NLK: variants seen among roughly 807,000 people sequenced by gnomAD.
The protein encoded by NLK is serine/threonine-protein kinase NLK.
A neutral mutation model predicts 59.0 loss-of-function variants in NLK; 11 were observed. The ratio of observed to expected loss-of-function variants is 0.19; its 90% confidence interval spans 0.12 to 0.31. The LOEUF is 0.31. NLK is among the 10% of genes least tolerant of loss of function. The pLI is 1.00. For missense variants in NLK, 410 were observed against 661.1 expected (o/e 0.62, Z 4.16); for synonymous variants, 235 against 235.9 (o/e 1.00, Z 0.03).
At chr17:28,160,147 A>T (rs1488911350) in intron 3 of NLK, among the ~76,000 whole-genome samples, 1 of 152,218 alleles carries the variant, frequency 6.6e-6, no homozygotes, top group Non-Finnish European at 1.5e-5. Flanking sequence ...AGTATCCACG[A>T]GTGTGGATAG....
intron 1 of NLK, chr17:28,061,949 T>A (rs1234207231): frequency 2.1e-5 from 3 of 146,154 alleles, no homozygotes; most frequent in East Asian, 2.0e-4. Flanking sequence ...TTTTTTTTTT[T>A]AAGAAAACAG....
Position 28,168,801 on chromosome 17 carries a change from A to G in NLK, c.1047+144A>G, listed in dbSNP as rs1597720370. The G allele has an allele frequency of 1.6e-5, 10 of 634,234 alleles. No individual in the cohort carries two copies. In the East Asian group the frequency reaches 2.5e-4, roughly 16 times the overall value. The allele number at this position is 634,234 out of a possible 1,614,324, so 39.3% of individuals were successfully genotyped here. A position where few individuals can be genotyped will look rare whatever the true frequency, so the allele number is the denominator to read the frequency against. ...AGGTTCACTTAAAATTCAGAAAGTTATAAAGTTGAAGATTACAAAGAGATT... is the reference window on the plus strand; with the variant it reads ...AGGTTCACTTAAAATTCAGAAAGTTGTAAAGTTGAAGATTACAAAGAGATT... On this transcript the variant is annotated intron_variant, in intron 6 of 10. Transcript: ENST00000407008.
At chr17:28,184,575 A>C (rs1424767032) in intron 7 of NLK, among the ~76,000 whole-genome samples, 1 of 152,206 alleles carries the variant, frequency 6.6e-6, no homozygotes, top group Non-Finnish European at 1.5e-5. Flanking sequence ...GGCTAGCAGG[A>C]GTGCCATATT....
At chr17:28,056,639 C>T (rs1208239848) in intron 1 of NLK, among the ~76,000 whole-genome samples, 3 of 152,184 alleles carry the variant, frequency 2.0e-5, no homozygotes, top group Admixed American at 2.0e-4. Context: ...ATGTCACAGA[C>T]TACAAGATTT....
At chr17:28,080,358 T>A (rs938486998) in intron 1 of NLK, among the ~76,000 whole-genome samples, 4 of 152,078 alleles carry the variant, frequency 2.6e-5, no homozygotes, top group African/African-American at 9.7e-5. Flanking sequence ...AACAGGAAGA[T>A]TGCTTGAGCC....
chr17:28,112,646 G>A (rs1905576373), intron 1 of NLK, among the ~76,000 whole-genome samples: 2 of 152,096 alleles, frequency 1.3e-5, no homozygotes, highest in South Asian at 2.1e-4. Flanking sequence ...CCTGCCTCCT[G>A]TTTTGTTTTG....
At chr17:28,093,515 C>G (rs1196633298) in intron 1 of NLK, among the ~76,000 whole-genome samples, 1 of 151,992 alleles carries the variant, frequency 6.6e-6, no homozygotes, top group Non-Finnish European at 1.5e-5. Flanking sequence ...CAAAGGGTTC[C>G]TTGGAAGGTA....
chr17:28,077,747 C>T (rs1266692033), intron 1 of NLK, among the ~76,000 whole-genome samples: 2 of 152,100 alleles, frequency 1.3e-5, no homozygotes, highest in African/African-American at 2.4e-5. Context: ...TGTTTGGAAA[C>T]TTTAGCTTCT....
chr17:28,143,523 G>A (rs1331637833), intron 3 of NLK, among the ~76,000 whole-genome samples: 1 of 152,124 alleles, frequency 6.6e-6, no homozygotes, highest in Non-Finnish European at 1.5e-5. Flanking sequence ...GAGAGTTTAG[G>A]AATTAAAATA....
In NLK at chr17:28,193,276, T is replaced by TC. The variant is rs35446789; in HGVS notation, c.1529+1064dup. Among the ~76,000 whole-genome samples, 773 of 152,302 alleles carry TC rather than the reference T, an allele frequency of 5.1e-3. 13 individuals are homozygous for TC. Among genetic ancestry groups the TC allele is most frequent in the African/African-American group, 0.017 (708 of 41,572 alleles). On this transcript the variant is annotated intron_variant, in intron 10 of 10. Coordinates refer to ENST00000407008, the MANE Select transcript of NLK (RefSeq NM_016231.5). ...GAATTAAGAATTTAGAAGAGGTTCC[T>TC]CATGTAAGGACCTCTTTGGAGAGGG...
intron 1 of NLK, among the ~76,000 whole-genome samples, chr17:28,076,793 T>C (rs527824940): frequency 6.6e-6 from 1 of 152,264 alleles, no homozygotes; most frequent in Non-Finnish European, 1.5e-5. Flanking sequence ...CATTGGTTCA[T>C]GCAGTTTTTT....
intron 3 of NLK, among the ~76,000 whole-genome samples, chr17:28,132,968 G>T (rs768768276): frequency 2.0e-5 from 3 of 152,132 alleles, no homozygotes; most frequent in African/African-American, 4.8e-5. Flanking sequence ...AACCAGTGAG[G>T]CAGCTGTGTT....
intron 2 of NLK, among the ~76,000 whole-genome samples, chr17:28,128,062 C>T (rs1597697623): frequency 6.6e-6 from 1 of 151,914 alleles, no homozygotes. Context: ...GTGAGATATC[C>T]ATATTAAAAA....
intron 7 of NLK, among the ~76,000 whole-genome samples, chr17:28,176,869 C>T (rs2048752): frequency 0.62 from 94,245 of 151,940 alleles, 29,724 homozygotes; most frequent in East Asian, 0.93. Flanking sequence ...TTTAAAAACA[C>T]ACAAATACAA....
intron 3 of NLK, among the ~76,000 whole-genome samples, chr17:28,153,474 G>T (rs759217026): frequency 6.6e-5 from 10 of 152,096 alleles, no homozygotes; most frequent in Non-Finnish European, 7.4e-5. Flanking sequence ...ACCTAACATT[G>T]TGGAAAGAAC....
intron 3 of NLK, among the ~76,000 whole-genome samples, chr17:28,159,958 A>G (rs1248160017): frequency 1.3e-5 from 2 of 152,200 alleles, no homozygotes; most frequent in Non-Finnish European, 2.9e-5. Context: ...TTGTGGTGCA[A>G]GCAACTAAGA....
At chr17:28,120,026 G>C (rs535958121) in intron 1 of NLK, among the ~76,000 whole-genome samples, 3 of 152,148 alleles carry the variant, frequency 2.0e-5, no homozygotes, top group African/African-American at 7.2e-5. Flanking sequence ...CCAAAGAGAC[G>C]TGACAGTTGA....
chr17:28,060,791 A>T (rs1445145351), intron 1 of NLK, among the ~76,000 whole-genome samples: 1 of 152,198 alleles, frequency 6.6e-6, no homozygotes, highest in Non-Finnish European at 1.5e-5. Context: ...ACACACACAC[A>T]CTCAAATTTT....
chr17:28,072,327 C>CT (rs56146394), intron 1 of NLK, among the ~76,000 whole-genome samples: 3,938 of 132,698 alleles, frequency 0.03, 90 homozygotes, highest in Non-Finnish European at 0.04. Flanking sequence ...TCTTCTTTTT[C>CT]TTTTTTTTTT....
Sources: gnomAD v4.1 joint callset for allele counts (sites outside exome capture counted in the v4.1 genomes callset) on GRCh38, gnomAD v4.1.1 for gene constraint, MANE v1.5 for transcripts, NCBI Gene and HGNC (gene_info 2026-07-23, HGNC 2026-07-21) for gene names.